The following MYO16 variants were observed in gnomAD, a reference collection of about 807,000 sequenced individuals.
MYO16 encodes unconventional myosin-XVI.
A neutral mutation model predicts 205.3 loss-of-function variants in MYO16; 94 were observed. The observed-to-expected ratio is 0.46, with a 90% CI of 0.39 to 0.54. The LOEUF is 0.54. Ranked by LOEUF, MYO16 falls within the 20% of genes least tolerant of loss-of-function variation. MYO16 has a pLI of 0.00. For missense variants in MYO16, 2,315 were observed against 2,387.5 expected, an observed-to-expected ratio of 0.97 and a Z score of 0.63; for synonymous variants, 988 against 954.0, an observed-to-expected ratio of 1.04 and a Z score of -0.66.
intron 12 of MYO16, among the ~76,000 whole-genome samples, chr13:108,877,299 G>C (rs142448449): frequency 6.6e-6 from 1 of 152,250 alleles, no homozygotes; most frequent in Non-Finnish European, 1.5e-5. Context: ...AAAACTACAA[G>C]ACTCAGTAGT....
At chr13:108,516,348 C>T in the MYO16 span, among the ~76,000 whole-genome samples, 10 of 151,922 alleles carry the variant, frequency 6.6e-5, no homozygotes, top group East Asian at 2.0e-4. Flanking sequence ...GCACGGTGCG[C>T]GCACACACTG....
chr13:108,677,572 G>A, intron 2 of MYO16, among the ~76,000 whole-genome samples: 1 of 151,614 alleles, frequency 6.6e-6, no homozygotes, highest in East Asian at 1.9e-4. Context: ...ATATTTTAGG[G>A]AAGGGGGAAG....
intron 1 of MYO16, among the ~76,000 whole-genome samples, chr13:108,655,450 C>T (rs1881199781): frequency 1.3e-5 from 2 of 152,288 alleles, no homozygotes; most frequent in African/African-American, 4.8e-5. Context: ...TGCCTGGATG[C>T]CCAGGCAAAA....
chr13:108,593,056 G>C (rs925637891), upstream of MYO16, among the ~76,000 whole-genome samples: 2 of 152,082 alleles, frequency 1.3e-5, no homozygotes, highest in Non-Finnish European at 2.9e-5. Flanking sequence ...CGCTGGCCTG[G>C]GGTCACCAGG....
intron 23 of MYO16, among the ~76,000 whole-genome samples, chr13:109,036,605 CA>C (rs1886725483): frequency 6.6e-6 from 1 of 152,160 alleles, no homozygotes. Context: ...GCAGCATAAG[CA>C]AAATGCTAAG....
intron 1 of MYO16, among the ~76,000 whole-genome samples, chr13:108,603,947 A>G (rs1296470806): frequency 6.6e-6 from 1 of 152,204 alleles, no homozygotes; most frequent in Non-Finnish European, 1.5e-5. Flanking sequence ...GGTAATATAT[A>G]AAGAAAGATT....
At chr13:108,756,354 A>T (rs773172328) in intron 4 of MYO16, among the ~76,000 whole-genome samples, 17 of 152,188 alleles carry the variant, frequency 1.1e-4, no homozygotes, top group Admixed American at 3.9e-4. Context: ...TTTCATGGGC[A>T]TCCAACACAA....
Position 108,781,317 on chromosome 13 carries a change from A to G in MYO16, c.508-4318A>G, listed in dbSNP as rs1042884075. ...AACAGAAACTGTCAGGTTTAAGTCC[A>G]GGTTCCAGCCTATGCTGAGGTCTGA... On this transcript the variant is annotated intron_variant, in intron 4 of 34. Coordinates refer to ENST00000457511, the MANE Select transcript of MYO16 (RefSeq NM_001198950.3). Among the ~76,000 whole-genome samples, 6 of 152,368 alleles carry G rather than the reference A, an allele frequency of 3.9e-5. No homozygotes were observed. The Middle Eastern group carries it at 0.01, about 259-fold the overall frequency.
At chr13:109,016,339 G>C (rs929641448) in intron 22 of MYO16, among the ~76,000 whole-genome samples, 4 of 152,062 alleles carry the variant, frequency 2.6e-5, no homozygotes, top group African/African-American at 9.7e-5. Context: ...AGTTTGTTGT[G>C]ATTACTGTTC....
rs554424022 is a variant in MYO16, at chr13:109,106,248, T to C, written c.3438+5361T>C. Among the ~76,000 whole-genome samples, 6 of 152,372 alleles carry C rather than the reference T, an allele frequency of 3.9e-5. No individual in the cohort carries two copies. In the South Asian group the frequency reaches 1.2e-3, roughly 32 times the overall value. ...ATTCCTGGTTTGAAAACAAGTTAAATTAAGCCAGTAGTTATTAACCATCTG... is the reference window on the plus strand; with the variant it reads ...ATTCCTGGTTTGAAAACAAGTTAAACTAAGCCAGTAGTTATTAACCATCTG... On this transcript the variant is annotated intron_variant, in intron 28 of 34. Transcript: ENST00000457511.
chr13:108,603,221 T>A (rs1235106866), intron 1 of MYO16, among the ~76,000 whole-genome samples: 1 of 152,068 alleles, frequency 6.6e-6, no homozygotes, highest in African/African-American at 2.4e-5. Context: ...GAGGGAATGG[T>A]CAGTTTTGCT....
chr13:108,853,137 T>G (rs530561161), intron 10 of MYO16, among the ~76,000 whole-genome samples: 23 of 152,342 alleles, frequency 1.5e-4, no homozygotes, highest in Admixed American at 1.2e-3. Context: ...GCAGCATCAC[T>G]TCTATGGTCG....
chr13:108,752,503 G>C (rs796084449), intron 4 of MYO16, among the ~76,000 whole-genome samples: 16 of 152,274 alleles, frequency 1.1e-4, no homozygotes, highest in African/African-American at 3.6e-4. Context: ...ATAGTCATTC[G>C]TCACTGGCAG....
In MYO16 at chr13:108,796,781, C is replaced by CGGG. The variant is rs1215179555; in HGVS notation, c.741+3143_741+3145dup. 2.4e-4 allele frequency among the ~76,000 whole-genome samples: 22 copies of CGGG among 91,888 alleles called. 1 individual carries two copies. Among genetic ancestry groups the CGGG allele is most frequent in the African/African-American group, 9.5e-4 (22 of 23,128 alleles). The allele number at this position is 91,888 out of a possible 152,430, so 60.3% of individuals were successfully genotyped here. A position where few individuals can be genotyped will look rare whatever the true frequency, so the allele number is the denominator to read the frequency against. On this transcript the variant is annotated intron_variant, in intron 6 of 34. Coordinates refer to ENST00000457511, the MANE Select transcript of MYO16 (RefSeq NM_001198950.3). ...GGGGCCTGTTGTGGGGTGGGGGGAG[C>CGGG]GGGGAGGGATAGCATTAGGAGATAT...
chr13:109,090,725 A>C (rs2139689337), intron 27 of MYO16, among the ~76,000 whole-genome samples: 1 of 152,306 alleles, frequency 6.6e-6, no homozygotes, highest in Middle Eastern at 3.4e-3. Flanking sequence ...AGAGAACAAA[A>C]TAGATTTCTG....
chr13:109,199,396 G>A (rs1406002843), intron 34 of MYO16, among the ~76,000 whole-genome samples: 1 of 151,586 alleles, frequency 6.6e-6, no homozygotes, highest in African/African-American at 2.4e-5. Context: ...GTGAAGGTTT[G>A]CAGATGTGGA....
chr13:108,667,468 G>C lies in MYO16; in HGVS notation c.292+1319G>C, dbSNP rs144843516. Among the ~76,000 whole-genome samples, 98 of 152,216 alleles carry C rather than the reference G, an allele frequency of 6.4e-4. 1 individual carries two copies. Among genetic ancestry groups the C allele is most frequent in the Non-Finnish European group, 1.0e-3 (71 of 68,016 alleles). On this transcript the variant is annotated intron_variant, in intron 2 of 34. Coordinates refer to ENST00000457511, the MANE Select transcript of MYO16 (RefSeq NM_001198950.3). ...ATTGTATCATATTTTCTGGAAAGCT[G>C]TCTGGAGCACTCTGATCTTTCATTT...
At position 108,898,051 on chromosome 13, in the gene MYO16, G is replaced by A; in HGVS notation, c.1695G>A (p.Lys565=). ...TCTTAGAAGCCTTTGGACATGCCAA[G>A]ACCACACTTAATGATTTGTCCAGTT... is the stretch of plus-strand genomic sequence containing the variant. ...VCILEAFGHA[K]TTLNDLSSCF... The change falls in exon 15 of 35, where the codon AAG becomes AAA. Residue 565 remains lysine (K), a synonymous_variant. Coordinates refer to ENST00000457511, the MANE Select transcript of MYO16 (RefSeq NM_001198950.3). 6.2e-7 allele frequency: 1 copy of A among 1,614,060 alleles called. No homozygotes were observed. The highest frequency in any genetic ancestry group is 8.5e-7 in the Non-Finnish European group (1 of 1,179,938).
chr13:108,854,577 AATG>A (rs1465465143), intron 10 of MYO16, among the ~76,000 whole-genome samples: 1 of 152,118 alleles, frequency 6.6e-6, no homozygotes, highest in Non-Finnish European at 1.5e-5. Context: ...CATGAATACA[AATG>A]ATAATTATTA....
Sources: gnomAD v4.1 joint callset for allele counts (sites outside exome capture counted in the v4.1 genomes callset) on GRCh38, gnomAD v4.1.1 for gene constraint, MANE v1.5 for transcripts, NCBI Gene and HGNC (gene_info 2026-07-23, HGNC 2026-07-21) for gene names.